ATG16L1: variants seen among roughly 807,000 people sequenced by gnomAD.
ATG16L1 encodes autophagy related 16 like 1.
Under a neutral mutation model 88.5 loss-of-function variants are expected in ATG16L1, and 37 were observed. That is an observed-to-expected ratio of 0.42 (90% confidence interval 0.32 to 0.55). The LOEUF (loss-of-function observed/expected upper bound fraction) is 0.55. Ranked by LOEUF, ATG16L1 falls within the 20% of genes least tolerant of loss-of-function variation. The pLI is 0.13. For synonymous variants in ATG16L1, 301 were observed against 281.0 expected, an observed-to-expected ratio of 1.07 and a Z score of -0.71; for missense variants, 554 against 752.8, an observed-to-expected ratio of 0.74 and a Z score of 3.09.
chr2:233,282,786 C>G lies in ATG16L1; in HGVS notation c.1203+33C>G. 3 of 1,595,604 alleles carry G rather than the reference C, an allele frequency of 1.9e-6. No individual in the cohort carries two copies. The South Asian group carries it at 3.3e-5, about 18-fold the overall frequency. ...CCAGTTAAGAAAGTTAGTGCAATCT[C>G]CAAACTTCATGTGGTGTTATCAAGG... On this transcript the variant is annotated intron_variant, in intron 12 of 17. Transcript: ENST00000392017.
intron 4 of ATG16L1, 101 bp downstream of exon 4, chr2:233,264,166 A>G (rs1697406793): frequency 8.8e-7 from 1 of 1,132,486 alleles, no homozygotes; most frequent in African/African-American, 1.5e-5. Flanking sequence ...GAGTGGCCAC[A>G]GTGCACTTAG....
At chr2:233,276,085 G>GT in intron 9 of ATG16L1, 1 of 422,814 alleles carries the variant, frequency 2.4e-6, no homozygotes, top group South Asian at 1.8e-5. Context: ...CTTTTCAGCA[G>GT]TGGGTCACAA....
Position 233,273,024 on chromosome 2 carries a change from C to A in ATG16L1, c.766C>A (p.Pro256Thr). 1.9e-6 allele frequency: 3 copies of A among 1,614,056 alleles called. No individual in the cohort carries two copies. In the South Asian group the frequency reaches 3.3e-5, roughly 18 times the overall value. Residue 256 changes from proline (P) to threonine (T), a missense_variant, in exon 7 of 18, where the codon CCT (proline) becomes ACT (threonine). By Grantham distance (38) the Pro-to-Thr change is conservative. This residue lies in a region of ATG16L1 where 370 missense variants were observed against 509.7 expected (regional missense o/e 0.73). Transcript: ENST00000392017. ...ETSDHTEETS[P>T]VRAISRAATK... ...TTCTGATCACACAGAAGAGACCTCT[C>A]CTGTGCGAGCCATCAGCAGAGCAGC...
intron 1 of ATG16L1, among the ~76,000 whole-genome samples, chr2:233,252,680 G>T (rs1379660957): frequency 1.3e-5 from 2 of 151,988 alleles, no homozygotes; most frequent in African/African-American, 4.8e-5. Context: ...GAGCCACCGA[G>T]CCCGGCCCCA....
intron 1 of ATG16L1, among the ~76,000 whole-genome samples, chr2:233,255,842 C>T (rs1384305816): frequency 6.6e-6 from 1 of 152,202 alleles, no homozygotes; most frequent in Non-Finnish European, 1.5e-5. Context: ...CTTAAAGGTA[C>T]ATAGCATTTC....
rs1699727143 is a variant in ATG16L1, at chr2:233,295,216, T to C, written c.*866T>C. On this transcript the variant is annotated 3_prime_UTR_variant, in exon 18 of 18. Transcript: ENST00000392017. The stretch of plus-strand genomic sequence containing the variant: ...TCTGCCAAGCCTGTGTGCGATGCCC[T>C]TGGTGCTTTAGTGCAAGAAGCCTAG... The C allele has an allele frequency of 6.5e-6, 1 of 152,770 alleles. No homozygotes were observed. The highest frequency in any genetic ancestry group is 2.1e-4 in the South Asian group (1 of 4,834). The allele number at this position is 152,770 out of a possible 1,614,324, so 9.5% of individuals were successfully genotyped here. A position where few individuals can be genotyped will look rare whatever the true frequency, so the allele number is the denominator to read the frequency against.
chr2:233,253,646 G>A (rs189268098), intron 1 of ATG16L1, among the ~76,000 whole-genome samples: 12 of 152,176 alleles, frequency 7.9e-5, no homozygotes, highest in African/African-American at 2.6e-4. Context: ...GTGACCAGCC[G>A]GGACTGGAAT....
chr2:233,289,693 G>T (rs1228035744), intron 12 of ATG16L1, among the ~76,000 whole-genome samples, 161 bp from the exon 13 acceptor site: 1 of 152,170 alleles, frequency 6.6e-6, no homozygotes, highest in Non-Finnish European at 1.5e-5. Flanking sequence ...TGCCTGACCT[G>T]TTTCTTTTTC....
At chr2:233,256,607 C>G (rs1696792411) in intron 2 of ATG16L1, among the ~76,000 whole-genome samples, 1 of 151,148 alleles carries the variant, frequency 6.6e-6, no homozygotes, top group Non-Finnish European at 1.5e-5. Context: ...CAGTATGGGT[C>G]TATTTGATCC....
rs763139228 is a variant in ATG16L1, at chr2:233,264,950, A to G, written c.448A>G (p.Thr150Ala). Reference protein sequence around the residue: ...DLETECLDLRTKLCDLERANQ... With the variant: ...DLETECLDLRAKLCDLERANQ... ...GGAGACGGAGTGCCTAGACCTGCGC[A>G]CTAAGCTTTGTGACCTTGAAAGAGC... is the stretch of plus-strand genomic sequence containing the variant. The change falls in exon 5 of 18, where the codon ACT becomes GCT. Residue 150 changes from threonine to alanine, a missense_variant. Physicochemically the swap from Thr to Ala is moderately conservative, Grantham distance 58. Around this residue, in one of 5 missense-constraint regions of ATG16L1, gnomAD observed 50 missense variants for 49.4 expected, o/e 1.01. Transcript: ENST00000392017. 3 of 1,614,120 alleles carry G rather than the reference A, an allele frequency of 1.9e-6. No individual in the cohort carries two copies. In the South Asian group the frequency reaches 3.3e-5, roughly 18 times the overall value.
intron 9 of ATG16L1, among the ~76,000 whole-genome samples, chr2:233,275,124 G>T (rs141750064): frequency 2.0e-4 from 31 of 152,326 alleles, no homozygotes; most frequent in African/African-American, 7.0e-4. Context: ...TTGCCAGTCA[G>T]TGGTGTATTA....
intron 2 of ATG16L1, among the ~76,000 whole-genome samples, chr2:233,257,230 C>T (rs970510712): frequency 2.6e-5 from 4 of 152,012 alleles, no homozygotes; most frequent in Non-Finnish European, 5.9e-5. Flanking sequence ...GGGGTTTCAC[C>T]GTGTTAGCCA....
chr2:233,295,149 C>G lies in ATG16L1; in HGVS notation c.*799C>G, dbSNP rs1289839121. ...GGGGGTGCCAAGGGATTCGAGACCT[C>G]CAACATACTTGTCTGAAGGTGGTGA... is the stretch of plus-strand genomic sequence containing the variant. On this transcript the variant is annotated 3_prime_UTR_variant, in exon 18 of 18. Coordinates refer to ENST00000392017, the MANE Select transcript of ATG16L1 (RefSeq NM_030803.7). The G allele has an allele frequency of 6.5e-6, 1 of 152,692 alleles. No homozygotes were observed. The highest frequency in any genetic ancestry group is 2.1e-4 in the South Asian group (1 of 4,820). 9.5% of individuals were successfully genotyped at this position (152,692 alleles called of 1,614,324 possible). A position where few individuals can be genotyped will look rare whatever the true frequency, so the allele number is the denominator to read the frequency against.
At chr2:233,276,003 T>A (rs1309329167) in intron 9 of ATG16L1, 4 of 513,250 alleles carry the variant, frequency 7.8e-6, no homozygotes, top group Non-Finnish European at 1.6e-5. Flanking sequence ...ATCTGAGACC[T>A]CCTAAGGAGA....
At chr2:233,278,139 C>CA (rs1199696595) in intron 10 of ATG16L1, among the ~76,000 whole-genome samples, 1 of 152,150 alleles carries the variant, frequency 6.6e-6, no homozygotes, top group Non-Finnish European at 1.5e-5. Flanking sequence ...CTTGAGGAAA[C>CA]AGAGGCGTAC....
chr2:233,290,456 G>C (rs1320191402), intron 14 of ATG16L1, 103 bp downstream of exon 14: 2 of 920,470 alleles, frequency 2.2e-6, no homozygotes, highest in Non-Finnish European at 3.6e-6. Flanking sequence ...GCAGAAATGA[G>C]TTTCGGTACA....
chr2:233,262,246 C>T (rs1697264292), intron 2 of ATG16L1, among the ~76,000 whole-genome samples: 1 of 152,222 alleles, frequency 6.6e-6, no homozygotes. Flanking sequence ...CACCTCACTG[C>T]TCCCACCCTG....
intron 16 of ATG16L1, 21 bp downstream of exon 16, chr2:233,292,455 C>T (rs538708830): frequency 2.0e-5 from 33 of 1,612,122 alleles, no homozygotes; most frequent in African/African-American, 1.6e-4. Flanking sequence ...ACCCACCCCC[C>T]GCCAATTTGG....
Position 233,251,823 on chromosome 2 carries a change from G to A in ATG16L1, c.-5G>A. On this transcript the variant is annotated 5_prime_UTR_variant, in exon 1 of 18. It adds an upstream start codon to the 5' untranslated region. Coordinates refer to ENST00000392017, the MANE Select transcript of ATG16L1 (RefSeq NM_030803.7). ...TGGCGCTGAGGTGCCGGGGCAGCAA[G>A]TGACATGTCGTCGGGCCTCCGCGCC... is the stretch of plus-strand genomic sequence containing the variant. 6.5e-7 allele frequency: 1 copy of A among 1,549,716 alleles called. No individual in the cohort carries two copies. The highest frequency in any genetic ancestry group is 1.2e-5 in the South Asian group (1 of 84,018).
Sources: allele counts gnomAD v4.1 joint callset (sites outside exome capture counted in the v4.1 genomes callset), GRCh38; gene constraint gnomAD v4.1.1; regional missense constraint gnomAD v4.1.1; transcripts MANE v1.5; gene names NCBI Gene and HGNC (gene_info 2026-07-23, HGNC 2026-07-21).